CDC27: variants seen among roughly 807,000 people sequenced by gnomAD.
CDC27 encodes cell division cycle protein 27 homolog.
A neutral mutation model predicts 109.7 loss-of-function variants in CDC27; 27 were observed. The ratio of observed to expected loss-of-function variants is 0.25; its 90% CI spans 0.18 to 0.34. CDC27 has a LOEUF of 0.34. Ranked by LOEUF, CDC27 falls within the 10% of genes least tolerant of loss-of-function variation. The pLI, the probability that CDC27 is intolerant of heterozygous loss-of-function variation, is 1.00. For missense variants in CDC27, 579 were observed against 960.2 expected (o/e 0.60, Z 5.25); for synonymous variants, 266 against 333.9 (o/e 0.80, Z 2.22).
At chr17:47,149,390 A>G (rs12941464) in intron 9 of CDC27, among the ~76,000 whole-genome samples, 12,202 of 151,672 alleles carry the variant, frequency 0.08, 561 homozygotes, top group African/African-American at 0.11. Flanking sequence ...GCACACCTGT[A>G]GTCCCAGCTA....
chr17:47,147,788 C>T (rs1306262652), intron 9 of CDC27, among the ~76,000 whole-genome samples: 4 of 151,604 alleles, frequency 2.6e-5, no homozygotes, highest in African/African-American at 9.7e-5. Flanking sequence ...GTAGTCCCAG[C>T]TACTCAGGAG....
Position 47,157,261 on chromosome 17 carries a change from G to A in CDC27, c.599C>T (p.Thr200Ile). 2 of 1,612,776 alleles carry A rather than the reference G, an allele frequency of 1.2e-6. No individual in the cohort carries two copies. The highest frequency in any genetic ancestry group is 1.7e-6 in the Non-Finnish European group (2 of 1,179,606). Residue 200 changes from threonine to isoleucine, a missense_variant, in exon 6 of 19, where the codon ACA (threonine) becomes ATA (isoleucine). Around this residue, in one of 9 missense-constraint regions of CDC27, gnomAD observed 57 missense variants for 59.0 expected, o/e 0.97. Transcript: ENST00000066544. ...NHSLSHRQPE[T>I]VLTETPQDTI... Reference sequence around the variant, plus strand: ...GTCCTGGGGTGTTTCCGTAAGAACTGTCTCAGGCTGTCTGTGAGATAAACT... The same window carrying A: ...GTCCTGGGGTGTTTCCGTAAGAACTATCTCAGGCTGTCTGTGAGATAAACT...
chr17:47,160,227 CTTT>C (rs759655850), intron 4 of CDC27, among the ~76,000 whole-genome samples: 2 of 135,670 alleles, frequency 1.5e-5, no homozygotes. Flanking sequence ...GCCTCTCTAG[CTTT>C]TTTTTTTTTT....
chr17:47,132,229 G>T, intron 15 of CDC27, 28 bp downstream of exon 15: 1 of 944,510 alleles, frequency 1.1e-6, no homozygotes. Context: ...GAGATTAATA[G>T]AGTATTAATG....
Position 47,129,399 on chromosome 17 carries a change from T to C in CDC27, c.2154A>G (p.Lys718=), listed in dbSNP as rs1417677353. ...HRASVLFANE[K]YKSALQELEE... is the part of the protein sequence containing the mutation. ...CTTAAGATATTTATCTTACCTTATA[T>C]TTTTCATTTGCAAATAAAACTGAGG... Residue 718 remains lysine (K), a synonymous_variant, in exon 16 of 19, where the codon AAA becomes AAG. Transcript: ENST00000066544. 4 of 1,609,832 alleles carry C rather than the reference T, an allele frequency of 2.5e-6. No individual in the cohort carries two copies. Among genetic ancestry groups the C allele is most frequent in the African/African-American group, 2.7e-5 (2 of 74,800 alleles).
At chr17:47,188,306 G>A (rs897085487) in intron 1 of CDC27, among the ~76,000 whole-genome samples, 3 of 152,112 alleles carry the variant, frequency 2.0e-5, no homozygotes, top group African/African-American at 7.2e-5. Flanking sequence ...CAGATGTCAG[G>A]GGGGAAAATG....
intron 9 of CDC27, among the ~76,000 whole-genome samples, chr17:47,147,589 G>A (rs2148885780): frequency 6.6e-6 from 1 of 152,156 alleles, no homozygotes; most frequent in African/African-American, 2.4e-5. Context: ...AAACATAGAA[G>A]AGACTGGATG....
Position 47,154,733 on chromosome 17 carries a change from T to C in CDC27, c.896A>G (p.Gln299Arg). The change falls in exon 8 of 19, where the codon CAA becomes CGA. Residue 299 changes from glutamine to arginine, a missense_variant. By Grantham distance (43) the Gln-to-Arg change is conservative. Transcript: ENST00000066544. Reference protein sequence around the residue: ...TPSPGDGSYLQNYTNTPPVID... With the variant: ...TPSPGDGSYLRNYTNTPPVID... ...TACAGGAGGTGTATTAGTGTAGTTT[T>C]GTAAATAGGATCCATCTCCAGGACT... The C allele has an allele frequency of 1.2e-6, 2 of 1,610,928 alleles. No individual in the cohort carries two copies. The highest frequency in any genetic ancestry group is 1.7e-6 in the Non-Finnish European group (2 of 1,177,984).
chr17:47,173,330 A>T (rs1305972410), intron 2 of CDC27, among the ~76,000 whole-genome samples: 3 of 151,720 alleles, frequency 2.0e-5, no homozygotes, highest in Admixed American at 2.0e-4. Context: ...ATTTTGGCAG[A>T]TGTGTTTTAA....
At chr17:47,156,156 T>C (rs1052584304) in intron 7 of CDC27, among the ~76,000 whole-genome samples, 1 of 152,296 alleles carries the variant, frequency 6.6e-6, no homozygotes, top group Non-Finnish European at 1.5e-5. Flanking sequence ...ATTTTTTTTT[T>C]GAGATGGAGT....
At chr17:47,171,432 A>G (rs1161586774) in intron 3 of CDC27, among the ~76,000 whole-genome samples, 2 of 152,250 alleles carry the variant, frequency 1.3e-5, no homozygotes, top group African/African-American at 4.8e-5. Context: ...TACAGAAAAG[A>G]ATTGAATAGA....
chr17:47,123,624 C>A (rs1254911294), intron 17 of CDC27, among the ~76,000 whole-genome samples: 1 of 151,790 alleles, frequency 6.6e-6, no homozygotes, highest in African/African-American at 2.4e-5. Context: ...GTTGGTCAGG[C>A]TGGTCTTAAA....
In CDC27 at chr17:47,154,993, A is replaced by T. The variant is rs956115285; in HGVS notation, c.843-207T>A. 4.1e-5 allele frequency: 16 copies of T among 387,362 alleles called. No homozygotes were observed. In the Admixed American group the frequency reaches 6.9e-4, roughly 17 times the overall value. The allele number at this position is 387,362 out of a possible 1,614,324, so 24.0% of individuals were successfully genotyped here. ...AATTTTAAAAAGCTATCAAACAAGGAACTAAACTGAGCAACAATTACTGAT... is the reference window on the plus strand; with the variant it reads ...AATTTTAAAAAGCTATCAAACAAGGTACTAAACTGAGCAACAATTACTGAT... On this transcript the variant is annotated intron_variant, in intron 7 of 18. Coordinates refer to ENST00000066544, the MANE Select transcript of CDC27 (RefSeq NM_001256.6).
chr17:47,120,858 A>C lies in CDC27; in HGVS notation c.*77T>G. 1 of 1,020,420 alleles carries C rather than the reference A, an allele frequency of 9.8e-7. No individual in the cohort carries two copies. The highest frequency in any genetic ancestry group is 1.3e-5 in the South Asian group (1 of 74,958). The allele number at this position is 1,020,420 out of a possible 1,614,324, so 63.2% of individuals were successfully genotyped here. A position where few individuals can be genotyped will look rare whatever the true frequency, so the allele number is the denominator to read the frequency against. ...GATGACACCGCCAGCTCAAGAGTAA[A>C]GACTCAGTATACAGAGGGACAAGAA... On this transcript the variant is annotated 3_prime_UTR_variant, in exon 19 of 19. Transcript: ENST00000066544.
At chr17:47,166,999 C>T (rs1394572710) in intron 4 of CDC27, among the ~76,000 whole-genome samples, 8 of 152,128 alleles carry the variant, frequency 5.3e-5, no homozygotes, top group East Asian at 3.9e-4. Context: ...AGATTACAGA[C>T]GTGCACCACC....
At chr17:47,179,581 C>T (rs1210756598) in intron 2 of CDC27, among the ~76,000 whole-genome samples, 2 of 152,174 alleles carry the variant, frequency 1.3e-5, no homozygotes, top group Non-Finnish European at 2.9e-5. Flanking sequence ...ATATTAAATA[C>T]TTAGAGTACC....
intron 1 of CDC27, among the ~76,000 whole-genome samples, chr17:47,183,015 A>T (rs773588814): frequency 4.9e-4 from 74 of 152,160 alleles, no homozygotes; most frequent in Non-Finnish European, 1.3e-4. Flanking sequence ...CAAGACTCCC[A>T]TCAAAAAAAC....
intron 2 of CDC27, among the ~76,000 whole-genome samples, chr17:47,180,951 A>C (rs1360759978): frequency 1.3e-5 from 2 of 149,370 alleles, no homozygotes; most frequent in African/African-American, 2.5e-5. Context: ...TTCTTAAAAA[A>C]AAAAAAAAAA....
chr17:47,176,696 G>A (rs1238456488), intron 2 of CDC27, among the ~76,000 whole-genome samples: 1 of 152,172 alleles, frequency 6.6e-6, no homozygotes. Flanking sequence ...AGGGGAAAAG[G>A]AACAGGCAGG....
Sources: allele counts gnomAD v4.1 joint callset (sites outside exome capture counted in the v4.1 genomes callset), GRCh38; gene constraint gnomAD v4.1.1; regional missense constraint gnomAD v4.1.1; transcripts MANE v1.5; gene names NCBI Gene and HGNC (gene_info 2026-07-23, HGNC 2026-07-21).